USP24: variants seen among roughly 807,000 people sequenced by gnomAD.
The protein encoded by USP24 is ubiquitin carboxyl-terminal hydrolase 24.
Under a neutral mutation model 361.6 loss-of-function variants are expected in USP24, and 97 were observed. The observed-to-expected ratio is 0.27, with a 90% CI of 0.23 to 0.32. The LOEUF (loss-of-function observed/expected upper bound fraction) is 0.32, where lower values mean the gene tolerates loss of function less well. USP24 is among the 10% of genes least tolerant of loss of function. The pLI is 1.00. For synonymous variants in USP24, 1,098 were observed against 1,124.6 expected, an observed-to-expected ratio of 0.98 and a Z score of 0.47; for missense variants, 2,353 against 3,165.6, an observed-to-expected ratio of 0.74 and a Z score of 6.16.
rs534073458 is a variant in USP24, at chr1:55,125,527, T to G, written c.3753A>C (p.Thr1251=). The G allele has an allele frequency of 6.2e-7, 1 of 1,613,448 alleles. No individual in the cohort carries two copies. The highest frequency in any genetic ancestry group is 2.2e-5 in the East Asian group (1 of 44,894). The change falls in exon 34 of 68, where the codon ACA becomes ACC. Residue 1251 remains threonine (T), a synonymous_variant. Coordinates refer to ENST00000294383, the MANE Select transcript of USP24 (RefSeq NM_015306.3). The part of the protein sequence containing the change: ...QLARFLLVGQ[T]MPTLLDEDLT... ...GGTCTTCATCTAATAACGTGGGCAT[T>G]GTTTGTCCGACAAGTAAAAATCTTA...
intron 1 of USP24, among the ~76,000 whole-genome samples, chr1:55,191,544 G>A (rs1644288531): frequency 6.8e-6 from 1 of 148,128 alleles, no homozygotes; most frequent in South Asian, 2.1e-4. Flanking sequence ...ACACTGGAGT[G>A]CAGTGGCACG....
Position 55,086,075 on chromosome 1 carries a change from T to C in USP24, c.6669-37A>G, listed in dbSNP as rs759443842. ...AGAAAGGTGGTGTGAAAAAGCAAGA[T>C]ACATTTCCACAACCTCAACCTTCCC... On this transcript the variant is annotated intron_variant, in intron 55 of 67. Transcript: ENST00000294383. The C allele has an allele frequency of 5.0e-6, 8 of 1,595,502 alleles. No individual in the cohort carries two copies. In the South Asian group the frequency reaches 8.8e-5, roughly 18 times the overall value.
rs933698971 is a variant in USP24 at position 55,066,540 on chromosome 1, G to T, written c.*2505C>A. On this transcript the variant is annotated 3_prime_UTR_variant, in exon 68 of 68. Coordinates refer to ENST00000294383, the MANE Select transcript of USP24 (RefSeq NM_015306.3). ...AGTCTGCTTGTTCCAAGCTCAGAAGGTAACTGCACACACCTCGATGTTAGC... is the reference window on the plus strand; with the variant it reads ...AGTCTGCTTGTTCCAAGCTCAGAAGTTAACTGCACACACCTCGATGTTAGC... The T allele has an allele frequency of 6.6e-6, 1 of 152,136 alleles. No homozygotes were observed. Among genetic ancestry groups the T allele is most frequent in the Non-Finnish European group, 1.5e-5 (1 of 68,034 alleles). 9.4% of individuals were successfully genotyped at this position (152,136 alleles called of 1,614,324 possible).
chr1:55,091,154 G>C (rs1209359138), intron 54 of USP24, among the ~76,000 whole-genome samples: 5 of 151,976 alleles, frequency 3.3e-5, no homozygotes, highest in Admixed American at 6.6e-5. Context: ...TTCTAAGGCA[G>C]AGGTCCCCAA....
chr1:55,069,128 TTAAAGTTCATACGGTTAG>T, intron 67 of USP24, 21 bp from the exon 68 acceptor site: 1 of 1,613,712 alleles, frequency 6.2e-7, no homozygotes, highest in South Asian at 1.1e-5. Context: ...GAAAAGGAAG[TTAAAGTTCATACGGTTAG>T]AGAAAAGGTT....
At chr1:55,192,838 A>G (rs1644325146) in intron 1 of USP24, among the ~76,000 whole-genome samples, 1 of 152,182 alleles carries the variant, frequency 6.6e-6, no homozygotes, top group South Asian at 2.1e-4. Context: ...AAGTCTGCAA[A>G]TGTTTTCCTG....
chr1:55,176,463 T>G lies in USP24; in HGVS notation c.491-20A>C. 1 of 1,550,628 alleles carries G rather than the reference T, an allele frequency of 6.4e-7. No homozygotes were observed. The highest frequency in any genetic ancestry group is 8.7e-7 in the Non-Finnish European group (1 of 1,144,460). ...AAAGACCTTAGTAAAATGCATGAAA[T>G]AATATACTTTATTTAAGTCAGACTC... On this transcript the variant is annotated intron_variant, in intron 2 of 67. Transcript: ENST00000294383.
At chr1:55,200,285 G>A (rs1217080153) in intron 1 of USP24, among the ~76,000 whole-genome samples, 1 of 152,196 alleles carries the variant, frequency 6.6e-6, no homozygotes, top group Non-Finnish European at 1.5e-5. Flanking sequence ...TCCTAGAATA[G>A]TTGGAGGTCC....
In USP24 at chr1:55,101,656, C is replaced by T. The variant is rs1380711052; in HGVS notation, c.5073G>A (p.Leu1691=). The T allele has an allele frequency of 6.2e-7, 1 of 1,613,268 alleles. No homozygotes were observed. The highest frequency in any genetic ancestry group is 1.7e-5 in the Admixed American group (1 of 59,934). Residue 1691 remains leucine (L), a synonymous_variant, in exon 43 of 68, where the codon CTG becomes CTA. Transcript: ENST00000294383. Reference sequence around the variant, plus strand: ...TATAACAAGTTGCACCACCATTTCTCAGCCCCACAAACCCTGAACTGGACC... The same window carrying T: ...TATAACAAGTTGCACCACCATTTCTTAGCCCCACAAACCCTGAACTGGACC... ...DSRSSSGFVG[L]RNGGATCYMN...
chr1:55,214,981 G>C lies in USP24; in HGVS notation c.133C>G (p.Arg45Gly), dbSNP rs375697092. The part of the protein sequence containing the change: ...NEAVALLTNE[R>G]PGLDYGGYEP... ...TAGCCGCCGTAGTCGAGGCCCGGCC[G>C]CTCGTTGGTGAGCAGTGCCACGGCC... The change falls in exon 1 of 68, where the codon CGG becomes GGG. Residue 45 changes from arginine (R) to glycine (G), a missense_variant. Physicochemically the swap from Arg to Gly is moderately radical, Grantham distance 125. Coordinates refer to ENST00000294383, the MANE Select transcript of USP24 (RefSeq NM_015306.3). The C allele has an allele frequency of 6.9e-7, 1 of 1,445,102 alleles. No homozygotes were observed. The highest frequency in any genetic ancestry group is 9.1e-7 in the Non-Finnish European group (1 of 1,095,998). The allele number at this position is 1,445,102 out of a possible 1,614,324, so 89.5% of individuals were successfully genotyped here.
intron 62 of USP24, among the ~76,000 whole-genome samples, chr1:55,076,382 A>G (rs1645032040): frequency 6.6e-6 from 1 of 152,266 alleles, no homozygotes; most frequent in African/African-American, 2.4e-5. Context: ...AGAACTTGAA[A>G]AATAAGCTTT....
chr1:55,101,045 C>T, intron 43 of USP24, 81 bp from the exon 44 acceptor site: 24 of 1,467,470 alleles, frequency 1.6e-5, no homozygotes, highest in Non-Finnish European at 2.0e-5. Context: ...ATGTTAGTAC[C>T]CACATTGCTT....
chr1:55,202,410 C>CT (rs772301790), intron 1 of USP24, among the ~76,000 whole-genome samples: 2,497 of 144,874 alleles, frequency 0.017, 59 homozygotes, highest in African/African-American at 0.054. Flanking sequence ...CTTTTTCTTT[C>CT]TTTTTTTTTT....
At chr1:55,070,649 T>G (rs1405543950) in intron 67 of USP24, among the ~76,000 whole-genome samples, 5 of 151,964 alleles carry the variant, frequency 3.3e-5, no homozygotes, top group African/African-American at 1.2e-4. Context: ...TTAGTCGAAG[T>G]TTGGCTGCAA....
chr1:55,092,952 G>C lies in USP24; in HGVS notation c.6355-36C>G, dbSNP rs139249560. On this transcript the variant is annotated intron_variant, in intron 52 of 67. Coordinates refer to ENST00000294383, the MANE Select transcript of USP24 (RefSeq NM_015306.3). ...AGATTAATAATTATTTTTATGAAAT[G>C]GAAAAATATTCAATATGTGAAGGAC... 163 of 1,348,708 alleles carry C rather than the reference G, an allele frequency of 1.2e-4. No homozygotes were observed. In the East Asian group the frequency reaches 4.4e-3, roughly 36 times the overall value. 83.5% of individuals were successfully genotyped at this position (1,348,708 alleles called of 1,614,324 possible).
intron 24 of USP24, 51 bp from the exon 25 acceptor site, chr1:55,139,061 TG>T (rs1646816655): frequency 6.7e-7 from 1 of 1,486,426 alleles, no homozygotes; most frequent in East Asian, 2.5e-5. Flanking sequence ...TGTGATGATC[TG>T]AGCTCAGTTC....
chr1:55,154,537 G>C, intron 13 of USP24, 71 bp from the exon 14 acceptor site: 2 of 1,510,408 alleles, frequency 1.3e-6, no homozygotes, highest in East Asian at 2.5e-5. Context: ...TTTTAAACTT[G>C]AGCTAAAAAC....
chr1:55,147,113 G>A, intron 18 of USP24, 53 bp from the exon 19 acceptor site: 1 of 1,471,736 alleles, frequency 6.8e-7, no homozygotes, highest in South Asian at 1.4e-5. Flanking sequence ...ATTCCTAAAA[G>A]CAACATTAAA....
chr1:55,078,615 A>G lies in USP24; in HGVS notation c.7237T>C (p.Leu2413=). ...TACACTACCATCTCAATGAGTGCCAAGAGCGAGCCTGTCAGCTCCCGCAAA... is the reference window on the plus strand; with the variant it reads ...TACACTACCATCTCAATGAGTGCCAGGAGCGAGCCTGTCAGCTCCCGCAAA... The part of the protein sequence containing the change: ...FALRELTGSL[L]ALIEMVVYCC... Residue 2413 remains leucine, a synonymous_variant, in exon 61 of 68, where the codon TTG becomes CTG. Transcript: ENST00000294383. 6.2e-7 allele frequency: 1 copy of G among 1,611,390 alleles called. No individual in the cohort carries two copies. Among genetic ancestry groups the G allele is most frequent in the Non-Finnish European group, 8.5e-7 (1 of 1,179,272 alleles).
Sources: gnomAD v4.1 joint callset for allele counts (sites outside exome capture counted in the v4.1 genomes callset) on GRCh38, gnomAD v4.1.1 for gene constraint, MANE v1.5 for transcripts, NCBI Gene and HGNC (gene_info 2026-07-23, HGNC 2026-07-21) for gene names.